Variants in ARHGAP39 observed in about 807,000 individuals in gnomAD.
ARHGAP39 encodes rho GTPase-activating protein 39.
In ARHGAP39, 44 loss-of-function variants were observed where a neutral mutation model predicts 106.9. That is an observed-to-expected ratio of 0.41 (90% confidence interval 0.32 to 0.53). ARHGAP39 has a LOEUF of 0.53. Ranked by LOEUF, ARHGAP39 falls within the 20% of genes least tolerant of loss-of-function variation. ARHGAP39 has a pLI of 0.21. For missense variants in ARHGAP39, 1,496 were observed against 1,577.3 expected, an observed-to-expected ratio of 0.95 and a Z score of 0.87; for synonymous variants, 768 against 693.2, an observed-to-expected ratio of 1.11 and a Z score of -1.69.
At chr8:144,649,365 G>A (rs946588012) in intron 1 of ARHGAP39, among the ~76,000 whole-genome samples, 1 of 152,104 alleles carries the variant, frequency 6.6e-6, no homozygotes, top group Non-Finnish European at 1.5e-5. Flanking sequence ...CAGGAGAATG[G>A]CGTGAACCCA....
chr8:144,544,425 TCA>T (rs1177470800), intron 6 of ARHGAP39, among the ~76,000 whole-genome samples: 2 of 152,266 alleles, frequency 1.3e-5, no homozygotes, highest in African/African-American at 4.8e-5. Flanking sequence ...GGGTGGGCTC[TCA>T]CTGCCACAGA....
Position 144,642,388 on chromosome 8 carries a change from G to A in ARHGAP39, c.-81-36693C>T, listed in dbSNP as rs558531920. Among the ~76,000 whole-genome samples, 11 of 152,290 alleles carry A rather than the reference G, an allele frequency of 7.2e-5. No homozygotes were observed. In the South Asian group the frequency reaches 1.9e-3, roughly 26 times the overall value. ...TGTAGTCCCAGCTACTCAGGAGGCT[G>A]AGGCAGGAGAATTGCTTGAGCCTGG... On this transcript the variant is annotated intron_variant, in intron 1 of 11. Transcript: ENST00000377307.
chr8:144,689,338 A>G (rs1213630688), upstream of ARHGAP39, among the ~76,000 whole-genome samples: 1 of 151,686 alleles, frequency 6.6e-6, no homozygotes, highest in Non-Finnish European at 1.5e-5. Flanking sequence ...CGTTCTCACT[A>G]ACACCTGCTG....
chr8:144,642,239 A>G (rs1333129150), intron 1 of ARHGAP39, among the ~76,000 whole-genome samples: 1 of 152,202 alleles, frequency 6.6e-6, no homozygotes, highest in Non-Finnish European at 1.5e-5. Flanking sequence ...TAATCCCAGC[A>G]ATTTGGGAGG....
At chr8:144,688,517 T>G (rs1178941579), upstream of ARHGAP39, among the ~76,000 whole-genome samples, 1 of 152,070 alleles carries the variant, frequency 6.6e-6, no homozygotes, top group African/African-American at 2.4e-5. Context: ...CAGGCTAAGG[T>G]GGAGGAACGC....
At chr8:144,631,940 T>G (rs1273109431) in intron 1 of ARHGAP39, among the ~76,000 whole-genome samples, 2 of 152,168 alleles carry the variant, frequency 1.3e-5, no homozygotes, top group Non-Finnish European at 2.9e-5. Flanking sequence ...CCTCCGTATC[T>G]CAGCTGCCAC....
chr8:144,602,149 C>CTG (rs201597487), intron 2 of ARHGAP39, among the ~76,000 whole-genome samples: 8 of 103,720 alleles, frequency 7.7e-5, no homozygotes, highest in South Asian at 6.7e-4. Context: ...GCTCATGTAC[C>CTG]TGTGTGTGTG....
At chr8:144,565,067 G>A (rs958470114) in intron 3 of ARHGAP39, among the ~76,000 whole-genome samples, 7 of 151,840 alleles carry the variant, frequency 4.6e-5, no homozygotes, top group African/African-American at 9.7e-5. Flanking sequence ...CCGAGATTGC[G>A]CCATTGCACT....
the ARHGAP39 span, among the ~76,000 whole-genome samples, chr8:144,698,462 G>A: frequency 6.6e-6 from 1 of 152,152 alleles, no homozygotes; most frequent in South Asian, 2.1e-4. Flanking sequence ...AGTGAATTGA[G>A]GTTTTTAATC....
In ARHGAP39 at chr8:144,530,752, GCGCGTGCACCACGGCCACCGC is replaced by G; in HGVS notation, c.3079_3099del (p.Ala1027_Ala1033del). On this transcript the variant is annotated inframe_deletion, in exon 11 of 12. Transcript: ENST00000377307. ...AGCACCATGCGGTTGATGCGGGGCA[GCGCGTGCACCACGGCCACCGC>G]CGCCTCGGGGCTGTCGTAGTGCGCG... 6.2e-7 allele frequency: 1 copy of G among 1,610,418 alleles called. No individual in the cohort carries two copies. The highest frequency in any genetic ancestry group is 1.7e-5 in the Admixed American group (1 of 59,822).
intron 2 of ARHGAP39, among the ~76,000 whole-genome samples, chr8:144,602,167 A>G (rs1174419602): frequency 7.5e-4 from 33 of 44,052 alleles, no homozygotes; most frequent in Admixed American, 8.7e-4. Context: ...GTGTGCGTGG[A>G]GGCGTGTGTG....
intron 2 of ARHGAP39, among the ~76,000 whole-genome samples, chr8:144,583,880 G>C (rs75593918): frequency 2.9e-4 from 44 of 152,322 alleles, no homozygotes; most frequent in South Asian, 1.9e-3. Context: ...CAAGTGTCCA[G>C]TTTTAAAGTG....
In ARHGAP39 at chr8:144,533,280, C is replaced by A. The variant is rs145531716; in HGVS notation, c.2734G>T (p.Ala912Ser). Residue 912 changes from alanine to serine, a missense_variant, in exon 9 of 12, where the codon GCC becomes TCC. By Grantham distance (99) the Ala-to-Ser change is moderately conservative. This residue lies in a region of ARHGAP39 where 470 missense variants were observed against 605.1 expected (regional missense o/e 0.78). Coordinates refer to ENST00000377307, the MANE Select transcript of ARHGAP39 (RefSeq NM_025251.3). The part of the protein sequence containing the change: ...NVEEIRHAKN[A>S]VFSPSMFGSA... The stretch of plus-strand genomic sequence containing the variant: ...CCGAACATGGACGGGCTGAACACGG[C>A]GTTCTTGGCATGCCGGATCTCCTCC... 8.7e-6 allele frequency: 14 copies of A among 1,613,118 alleles called. No homozygotes were observed. The highest frequency in any genetic ancestry group is 1.1e-5 in the Non-Finnish European group (13 of 1,179,966).
chr8:144,670,278 G>A lies in ARHGAP39; in HGVS notation c.-82+15408C>T, dbSNP rs541051271. 9.2e-5 allele frequency among the ~76,000 whole-genome samples: 14 copies of A among 152,146 alleles called. No homozygotes were observed. The highest frequency in any genetic ancestry group is 3.4e-3 in the Middle Eastern group (1 of 294). On this transcript the variant is annotated intron_variant, in intron 1 of 11. Transcript: ENST00000377307. The surrounding 1 kb of genome is among the most constrained non-coding windows in gnomAD (Gnocchi z 4.4). ...GCGGCTGTAAAAAGCAACAGAGCTC[G>A]GACGCGTGCTAGAGTGTACCGGGAA...
intron 3 of ARHGAP39, among the ~76,000 whole-genome samples, chr8:144,576,454 T>TG (rs1370145993): frequency 1.3e-5 from 2 of 151,198 alleles, no homozygotes; most frequent in Non-Finnish European, 2.9e-5. Flanking sequence ...TGAGAAGAGA[T>TG]GGACACTCCA....
intron 6 of ARHGAP39, among the ~76,000 whole-genome samples, chr8:144,544,483 CAT>C (rs1491278886): frequency 1.3e-5 from 2 of 152,160 alleles, no homozygotes; most frequent in Non-Finnish European, 2.9e-5. Flanking sequence ...TGCGTGCGTG[CAT>C]GTGTGTGTGT....
chr8:144,537,432 C>T (rs1341368597), intron 7 of ARHGAP39, among the ~76,000 whole-genome samples: 2 of 152,138 alleles, frequency 1.3e-5, no homozygotes, highest in Non-Finnish European at 2.9e-5. Flanking sequence ...GGGGCACCTC[C>T]AGGAGCCCTC....
At chr8:144,628,484 G>T (rs1000618575) in intron 1 of ARHGAP39, among the ~76,000 whole-genome samples, 1 of 152,126 alleles carries the variant, frequency 6.6e-6, no homozygotes, top group Non-Finnish European at 1.5e-5. Context: ...GAATGTACGT[G>T]GCATCATCCA....
chr8:144,533,385 C>A, intron 8 of ARHGAP39, 60 bp from the exon 9 acceptor site: 1 of 1,544,540 alleles, frequency 6.5e-7, no homozygotes, highest in Non-Finnish European at 8.8e-7. Flanking sequence ...CCCCCGCCAC[C>A]CCGGTTGTCT....
Sources: allele counts gnomAD v4.1 joint callset (sites outside exome capture counted in the v4.1 genomes callset), GRCh38; gene constraint gnomAD v4.1.1; regional missense constraint gnomAD v4.1.1; non-coding constraint Gnocchi (gnomAD v3.1); transcripts MANE v1.5; gene names NCBI Gene and HGNC (gene_info 2026-07-23, HGNC 2026-07-21).